The following DPP10 variants were observed in gnomAD, a reference collection of about 807,000 sequenced individuals.
The protein encoded by DPP10 is dipeptidyl peptidase like 10.
In DPP10, 33 loss-of-function variants were observed where a neutral mutation model predicts 120.9. The ratio of observed to expected loss-of-function variants is 0.27; its 90% confidence interval spans 0.21 to 0.37. The LOEUF is 0.37. DPP10 is among the 10% of genes least tolerant of loss of function. The pLI is 1.00. For synonymous variants in DPP10, 337 were observed against 326.1 expected (o/e 1.03, Z -0.36); for missense variants, 816 against 942.8 (o/e 0.87, Z 1.76).
At chr2:114,474,978 T>C (rs1680255333) in intron 1 of DPP10, among the ~76,000 whole-genome samples, 1 of 152,244 alleles carries the variant, frequency 6.6e-6, no homozygotes, top group Non-Finnish European at 1.5e-5. Context: ...CAGGGGCTTC[T>C]GTGCATCAGC....
chr2:114,571,441 C>T (rs188802484), intron 1 of DPP10, among the ~76,000 whole-genome samples: 15 of 152,190 alleles, frequency 9.9e-5, no homozygotes, highest in African/African-American at 2.4e-4. Context: ...CCTGTGGAAC[C>T]GTGAGCCAAT....
At chr2:115,242,752 CTGG>C (rs1477368858) in intron 1 of DPP10, among the ~76,000 whole-genome samples, 1 of 151,450 alleles carries the variant, frequency 6.6e-6, no homozygotes, top group Non-Finnish European at 1.5e-5. Context: ...TGGCGTTTCC[CTGG>C]TCATTAGTGA....
At chr2:114,840,833 C>G (rs992688630) in intron 1 of DPP10, among the ~76,000 whole-genome samples, 1 of 152,154 alleles carries the variant, frequency 6.6e-6, no homozygotes. Context: ...TTTCCCTGAA[C>G]CTTATATGTG....
intron 5 of DPP10, among the ~76,000 whole-genome samples, chr2:115,606,492 G>A (rs1035052547): frequency 6.6e-6 from 1 of 152,046 alleles, no homozygotes; most frequent in African/African-American, 2.4e-5. Context: ...CTTTTAAATT[G>A]TTTCCTTCAC....
intron 5 of DPP10, among the ~76,000 whole-genome samples, chr2:115,547,975 T>C (rs1258984733): frequency 6.6e-6 from 1 of 152,110 alleles, no homozygotes; most frequent in East Asian, 1.9e-4. Flanking sequence ...GACTTGAAAA[T>C]AGTGCTAGAA....
intron 1 of DPP10, among the ~76,000 whole-genome samples, chr2:114,664,617 A>C: frequency 7.5e-6 from 1 of 133,052 alleles, no homozygotes. Flanking sequence ...TGACAGCGAG[A>C]CTCCGTCTCA....
At chr2:115,553,822 T>G (rs895805931) in intron 5 of DPP10, among the ~76,000 whole-genome samples, 1 of 148,410 alleles carries the variant, frequency 6.7e-6, no homozygotes, top group African/African-American at 2.5e-5. Flanking sequence ...ATGCTGAGGG[T>G]TTTTTTTTTC....
chr2:114,460,094 G>T (rs572568167), intron 1 of DPP10, among the ~76,000 whole-genome samples: 38 of 152,176 alleles, frequency 2.5e-4, no homozygotes, highest in Middle Eastern at 3.4e-3. Context: ...GATGATAATG[G>T]GGCTGGATAT....
chr2:114,763,213 A>T (rs1237936040), intron 1 of DPP10, among the ~76,000 whole-genome samples: 2 of 152,168 alleles, frequency 1.3e-5, no homozygotes, highest in Non-Finnish European at 2.9e-5. Context: ...GTGAGGACAG[A>T]TTGTGAAATG....
chr2:114,935,952 T>C (rs1434336297), intron 1 of DPP10, among the ~76,000 whole-genome samples: 2 of 152,114 alleles, frequency 1.3e-5, no homozygotes, highest in African/African-American at 4.8e-5. Flanking sequence ...TTTCTATTTT[T>C]ACATCTTTCT....
At chr2:114,590,819 C>G (rs1013843463) in intron 1 of DPP10, among the ~76,000 whole-genome samples, 1 of 152,152 alleles carries the variant, frequency 6.6e-6, no homozygotes, top group African/African-American at 2.4e-5. Context: ...TTAAATTTAT[C>G]TTTAATACAA....
At chr2:114,676,431 T>C (rs1358074067) in intron 1 of DPP10, among the ~76,000 whole-genome samples, 1 of 152,168 alleles carries the variant, frequency 6.6e-6, no homozygotes, top group African/African-American at 2.4e-5. Context: ...GTGGTGAGCA[T>C]TATTGGTAGT....
intron 5 of DPP10, among the ~76,000 whole-genome samples, chr2:115,557,091 A>T (rs899190462): frequency 6.6e-6 from 1 of 152,178 alleles, no homozygotes; most frequent in Non-Finnish European, 1.5e-5. Flanking sequence ...CATGTATTCC[A>T]CTAAAATAAT....
chr2:114,737,703 T>C (rs1330323862), intron 1 of DPP10, among the ~76,000 whole-genome samples: 1 of 152,170 alleles, frequency 6.6e-6, no homozygotes, highest in Non-Finnish European at 1.5e-5. Context: ...GCAAAAAGCA[T>C]GAGGCTGAGA....
chr2:115,314,990 A>T (rs1559408411), intron 2 of DPP10, among the ~76,000 whole-genome samples: 1 of 152,160 alleles, frequency 6.6e-6, no homozygotes, highest in Non-Finnish European at 1.5e-5. Context: ...AAGGAAGTAG[A>T]GCAGTTTTCT....
chr2:115,678,214 G>GA (rs944276384), intron 5 of DPP10, among the ~76,000 whole-genome samples: 2 of 152,214 alleles, frequency 1.3e-5, no homozygotes, highest in African/African-American at 4.8e-5. Context: ...AGGCAATGGG[G>GA]AAAATGTCTT....
At chr2:115,460,656 T>C (rs951577009) in intron 3 of DPP10, among the ~76,000 whole-genome samples, 1 of 152,222 alleles carries the variant, frequency 6.6e-6, no homozygotes, top group African/African-American at 2.4e-5. Flanking sequence ...CCTACTGTTG[T>C]ATTCTGGATG....
intron 1 of DPP10, among the ~76,000 whole-genome samples, chr2:115,215,056 C>A (rs1458425587): frequency 2.6e-5 from 4 of 152,148 alleles, no homozygotes; most frequent in Non-Finnish European, 5.9e-5. Flanking sequence ...TTTTTTAAAT[C>A]TGTATTTTTA....
At chr2:115,807,028 AC>A (rs1686061506) in intron 19 of DPP10, among the ~76,000 whole-genome samples, 2 of 152,116 alleles carry the variant, frequency 1.3e-5, no homozygotes, top group Non-Finnish European at 2.9e-5. Context: ...TTTAGGTATG[AC>A]CCTTTCTAAG....
Sources: gnomAD v4.1 joint callset for allele counts (sites outside exome capture counted in the v4.1 genomes callset) on GRCh38, gnomAD v4.1.1 for gene constraint, MANE v1.5 for transcripts, NCBI Gene and HGNC (gene_info 2026-07-23, HGNC 2026-07-21) for gene names.